IGF2R: variants seen among roughly 807,000 people sequenced by gnomAD.
The protein encoded by IGF2R is cation-independent mannose-6-phosphate receptor.
IGF2R carries 91 observed loss-of-function variants against 270.6 expected under a neutral mutation model. The ratio of observed to expected loss-of-function variants is 0.34; its 90% CI spans 0.28 to 0.40. IGF2R has a LOEUF of 0.40. IGF2R is among the 10% of genes least tolerant of loss of function. The probability of loss-of-function intolerance (pLI) is 1.00; values close to 1 mark genes in which losing one functional copy is unlikely to be tolerated. For missense variants in IGF2R, 2,805 were observed against 3,188.3 expected, an observed-to-expected ratio of 0.88 and a Z score of 2.90; for synonymous variants, 1,316 against 1,258.9, an observed-to-expected ratio of 1.05 and a Z score of -0.96.
At chr6:160,029,501 A>G (rs1316116852) in intron 6 of IGF2R, 49 bp from the exon 7 acceptor site, 4 of 1,199,070 alleles carry the variant, frequency 3.3e-6, no homozygotes, top group Non-Finnish European at 5.0e-6. Flanking sequence ...ATGAATTTGG[A>G]TGTACTTTAT....
intron 31 of IGF2R, among the ~76,000 whole-genome samples, chr6:160,070,603 TC>T (rs1778697453): frequency 6.6e-6 from 1 of 152,186 alleles, no homozygotes; most frequent in Admixed American, 6.5e-5. Flanking sequence ...GTGCCTGTGA[TC>T]AGTTCTTCCC....
intron 44 of IGF2R, chr6:160,093,405 G>A (rs1411407408): frequency 3.3e-6 from 1 of 304,458 alleles, no homozygotes; most frequent in Non-Finnish European, 6.4e-6. Flanking sequence ...TCCTGGAGGA[G>A]CTCCTGGCAC....
At chr6:160,013,410 T>TA (rs34643864) in intron 4 of IGF2R, among the ~76,000 whole-genome samples, 1,818 of 87,644 alleles carry the variant, frequency 0.021, 14 homozygotes, top group African/African-American at 0.025. Flanking sequence ...TGGTTCTTTG[T>TA]AAAAAAAAAA....
chr6:160,021,901 A>T (rs144174270), intron 4 of IGF2R, among the ~76,000 whole-genome samples: 2,190 of 152,328 alleles, frequency 0.014, 168 homozygotes, highest in Admixed American at 0.12. Flanking sequence ...AAAGTAAAAG[A>T]AATCTGTCTG....
intron 1 of IGF2R, among the ~76,000 whole-genome samples, chr6:159,984,812 A>G (rs1320357370): frequency 1.3e-5 from 2 of 152,206 alleles, no homozygotes; most frequent in African/African-American, 2.4e-5. Flanking sequence ...TCAGTTACCC[A>G]TGGTCACTTG....
intron 4 of IGF2R, among the ~76,000 whole-genome samples, chr6:160,022,575 A>G (rs1777463809): frequency 6.6e-6 from 1 of 152,246 alleles, no homozygotes; most frequent in South Asian, 2.1e-4. Context: ...TTCACAGTTT[A>G]TGGAACAAAT....
intron 4 of IGF2R, among the ~76,000 whole-genome samples, chr6:160,012,779 G>GTA (rs1784358750): frequency 2.6e-5 from 3 of 115,054 alleles, no homozygotes; most frequent in African/African-American, 1.0e-4. Context: ...TTTTTTTTTT[G>GTA]TTTGTTTGTT....
intron 10 of IGF2R, among the ~76,000 whole-genome samples, chr6:160,036,167 T>A (rs1008388924): frequency 6.6e-6 from 1 of 152,154 alleles, no homozygotes; most frequent in Non-Finnish European, 1.5e-5. Context: ...AGCAGGGGTA[T>A]GACATACATC....
intron 4 of IGF2R, among the ~76,000 whole-genome samples, chr6:160,020,011 C>T (rs567522670): frequency 2.0e-5 from 3 of 152,218 alleles, no homozygotes; most frequent in East Asian, 3.9e-4. Context: ...AAGAGACAGT[C>T]AACGTGTCTC....
At chr6:160,029,069 C>T (rs373605567) in intron 6 of IGF2R, among the ~76,000 whole-genome samples, 7 of 152,080 alleles carry the variant, frequency 4.6e-5, no homozygotes, top group African/African-American at 1.4e-4. Context: ...CTGCAACCTC[C>T]GCCTCCCTGT....
intron 1 of IGF2R, among the ~76,000 whole-genome samples, chr6:159,969,732 C>A (rs1313438757): frequency 6.6e-6 from 1 of 152,104 alleles, no homozygotes; most frequent in Non-Finnish European, 1.5e-5. Flanking sequence ...GGCCGGGCGT[C>A]CGGGAAAGTT....
At position 160,051,000 on chromosome 6, in the gene IGF2R, T is replaced by G. The variant is rs4709393; in HGVS notation, c.2694+348T>G. 0.27 allele frequency among the ~76,000 whole-genome samples: 41,637 copies of G among 151,980 alleles called. 5,816 individuals carry two copies. Among genetic ancestry groups the G allele is most frequent in the East Asian group, 0.35 (1,798 of 5,164 alleles). On this transcript the variant is annotated intron_variant, in intron 19 of 47. Transcript: ENST00000356956. The surrounding 1 kb of genome is among the most constrained non-coding windows in gnomAD (Gnocchi z 4.0). ...GCAGTGGAACGGGGCTTAGAGATAG[T>G]TTGGTCCTGTAGGGGCCAAGGGAAA...
intron 45 of IGF2R, among the ~76,000 whole-genome samples, chr6:160,100,806 T>A: frequency 8.0e-6 from 1 of 124,738 alleles, no homozygotes; most frequent in Non-Finnish European, 1.6e-5. Context: ...TTTTTTTTTT[T>A]TGGAGACAGA....
chr6:160,058,926 G>A lies in IGF2R; in HGVS notation c.2919G>A (p.Met973Ile). ...KIFMFNVCGT[M>I]PVCGTILGKP... ...TGCAGTTTAATGTCTGCGGCACAAT[G>A]CCTGTCTGTGGGACCATCCTGGGAA... The change falls in exon 22 of 48, where the codon ATG (methionine) becomes ATA (isoleucine). Residue 973 changes from methionine to isoleucine, a missense_variant. This residue lies in a region of IGF2R where 1,851 missense variants were observed against 2,207.2 expected (regional missense o/e 0.84). Coordinates refer to ENST00000356956, the MANE Select transcript of IGF2R (RefSeq NM_000876.4). 5 of 1,614,166 alleles carry A rather than the reference G, an allele frequency of 3.1e-6. No individual in the cohort carries two copies. The highest frequency in any genetic ancestry group is 4.2e-6 in the Non-Finnish European group (5 of 1,179,998).
At chr6:160,040,781 A>C (rs1777928553) in intron 11 of IGF2R, 57 bp downstream of exon 11, 2 of 1,527,996 alleles carry the variant, frequency 1.3e-6, no homozygotes, top group African/African-American at 1.4e-5. Flanking sequence ...ACATTTTCCC[A>C]TGAGTACTTT....
At chr6:159,979,229 C>T (rs1583238375) in intron 1 of IGF2R, among the ~76,000 whole-genome samples, 1 of 152,178 alleles carries the variant, frequency 6.6e-6, no homozygotes, top group South Asian at 2.1e-4. Flanking sequence ...ACTCCAGAAT[C>T]AGTTATACAT....
intron 35 of IGF2R, among the ~76,000 whole-genome samples, chr6:160,075,572 A>G (rs1778839533): frequency 6.6e-6 from 1 of 152,218 alleles, no homozygotes; most frequent in East Asian, 1.9e-4. Flanking sequence ...AGAGATTCCT[A>G]TTGCTTAGGA....
chr6:160,011,740 C>A (rs1466243397), intron 4 of IGF2R, among the ~76,000 whole-genome samples: 1 of 152,106 alleles, frequency 6.6e-6, no homozygotes, highest in East Asian at 1.9e-4. Flanking sequence ...CTACTTGATT[C>A]TCCCTGGTCC....
chr6:160,043,254 A>C lies in IGF2R; in HGVS notation c.1587A>C (p.Arg529=). 1 of 1,614,246 alleles carries C rather than the reference A, an allele frequency of 6.2e-7. No individual in the cohort carries two copies. Among genetic ancestry groups the C allele is most frequent in the Non-Finnish European group, 8.5e-7 (1 of 1,180,040 alleles). ...GAGTGCTGCAGGAAGGCAAGGCACG[A>C]GGGTGTCCCGAGGACGCGGCAGTGT... ...CHRVLQEGKA[R]GCPEDAAVCA... is the part of the protein sequence containing the mutation. Residue 529 remains arginine (R), a synonymous_variant, in exon 12 of 48, where the codon CGA becomes CGC. Coordinates refer to ENST00000356956, the MANE Select transcript of IGF2R (RefSeq NM_000876.4).
Sources: allele counts gnomAD v4.1 joint callset (sites outside exome capture counted in the v4.1 genomes callset), GRCh38; gene constraint gnomAD v4.1.1; regional missense constraint gnomAD v4.1.1; non-coding constraint Gnocchi (gnomAD v3.1); transcripts MANE v1.5; gene names NCBI Gene and HGNC (gene_info 2026-07-23, HGNC 2026-07-21).